TUBGCP2: variants seen among roughly 807,000 people sequenced by gnomAD.
TUBGCP2 encodes gamma-tubulin complex component 2.
Under a neutral mutation model 92.2 loss-of-function variants are expected in TUBGCP2, and 55 were observed. The ratio of observed to expected loss-of-function variants is 0.60; its 90% confidence interval spans 0.48 to 0.75. The LOEUF (loss-of-function observed/expected upper bound fraction) is 0.75. TUBGCP2 is among the 30% of genes least tolerant of loss of function. The pLI is 0.00. For synonymous variants in TUBGCP2, 533 were observed against 505.2 expected, an observed-to-expected ratio of 1.06 and a Z score of -0.74; for missense variants, 1,093 against 1,188.9, an observed-to-expected ratio of 0.92 and a Z score of 1.19.
rs1847530961 is a variant in TUBGCP2, at chr10:133,298,031, T to C, written c.537A>G (p.Ala179=). The C allele has an allele frequency of 6.2e-7, 1 of 1,614,132 alleles. No homozygotes were observed. The highest frequency in any genetic ancestry group is 8.5e-7 in the Non-Finnish European group (1 of 1,180,024). ...TCAGGGCAGGTCTCTCATACACCCA[T>C]GCTGGGAAGATGGGGAGGTGCTGGC... ...NSGQHLPIFP[A]WVYERPALIG... The change falls in exon 5 of 18, where the codon GCA becomes GCG. Residue 179 remains alanine (A), a synonymous_variant. Coordinates refer to ENST00000252936, the MANE Select transcript of TUBGCP2 (RefSeq NM_006659.4).
chr10:133,283,170 A>T lies in TUBGCP2; in HGVS notation c.2197T>A (p.Cys733Ser). Reference protein sequence around the residue: ...LGHHTGFLDTCLKDCMLTNPE... With the variant: ...LGHHTGFLDTSLKDCMLTNPE... ...TTGGTGAGCATGCAGTCCTTCAGGC[A>T]GGTGTCCAGGAAGCCTGTGTGGTGG... Residue 733 changes from cysteine to serine, a missense_variant, in exon 15 of 18, where the codon TGC becomes AGC. Cys to Ser is a moderately radical substitution (Grantham distance 112). Transcript: ENST00000252936. 6.2e-7 allele frequency: 1 copy of T among 1,614,238 alleles called. No individual in the cohort carries two copies. The highest frequency in any genetic ancestry group is 8.5e-7 in the Non-Finnish European group (1 of 1,180,046).
upstream of TUBGCP2, among the ~76,000 whole-genome samples, chr10:133,311,133 C>T (rs1453712364): frequency 6.6e-6 from 1 of 152,112 alleles, no homozygotes. Flanking sequence ...TATATTTCTT[C>T]TTTTTTTAAC....
At position 133,285,229 on chromosome 10, in the gene TUBGCP2, C is replaced by A. The variant is rs533274197; in HGVS notation, c.1896-16G>T. 8.7e-6 allele frequency: 14 copies of A among 1,610,556 alleles called. No homozygotes were observed. The African/African-American group carries it at 9.3e-5, about 11-fold the overall frequency. On this transcript the variant is annotated splice_polypyrimidine_tract_variant and intron_variant, in intron 12 of 17. Coordinates refer to ENST00000252936, the MANE Select transcript of TUBGCP2 (RefSeq NM_006659.4). This position sits in a 1 kb window ranked among gnomAD's most constrained non-coding sequence, Gnocchi z 6.8. ...GAGGGCTTTCCTGCAAGAGACGTGG[C>A]GGCACCTCAGGTGGGCCTCCGTGAC... is the stretch of plus-strand genomic sequence containing the variant.
chr10:133,309,293 AGC>A, upstream of TUBGCP2: 1 of 1,458,798 alleles, frequency 6.9e-7, no homozygotes, highest in Non-Finnish European at 9.3e-7. Flanking sequence ...GCGGGACCGG[AGC>A]GCGGGATGAC....
chr10:133,282,383 C>T, intron 15 of TUBGCP2, 41 bp from the exon 16 acceptor site: 1 of 1,555,870 alleles, frequency 6.4e-7, no homozygotes, highest in South Asian at 1.2e-5. Context: ...CTGTTAGTTA[C>T]AACCACAATG....
chr10:133,309,538 G>C (rs1564777994), upstream of TUBGCP2: 5 of 1,513,744 alleles, frequency 3.3e-6, no homozygotes, highest in Admixed American at 3.7e-5. Flanking sequence ...CCCTGGGGCT[G>C]TGCTGCCGCT....
chr10:133,292,710 C>T (rs1847387638), intron 7 of TUBGCP2, 22 bp from the exon 8 acceptor site: 1 of 1,606,418 alleles, frequency 6.2e-7, no homozygotes, highest in Non-Finnish European at 8.5e-7. Context: ...AAGGAGGGCT[C>T]ACTGCTGAGA....
chr10:133,288,395 C>T (rs1233328450), intron 10 of TUBGCP2, 86 bp from the exon 11 acceptor site: 1 of 1,493,720 alleles, frequency 6.7e-7, no homozygotes, highest in Non-Finnish European at 9.0e-7. Context: ...TGCCCACCCG[C>T]AGGTGCCCGC....
upstream of TUBGCP2, chr10:133,310,377 T>C (rs371686021): frequency 1.5e-4 from 235 of 1,540,626 alleles, 2 homozygotes; most frequent in East Asian, 4.2e-3. Flanking sequence ...GTCAGACTTA[T>C]TAAGCACTTG....
At chr10:133,290,513 A>G (rs2995330) in intron 8 of TUBGCP2, 22,400 of 152,300 alleles carry the variant, frequency 0.15, 3,136 homozygotes, top group African/African-American at 0.37. Context: ...GAAAAAAAAA[A>G]AAAAGAAAAC....
chr10:133,305,908 C>T (rs1847805817), intron 1 of TUBGCP2, among the ~76,000 whole-genome samples: 1 of 152,240 alleles, frequency 6.6e-6, no homozygotes, highest in South Asian at 2.1e-4. Context: ...GACGTGGCTA[C>T]TTCTAGGCTG....
At chr10:133,286,560 C>A (rs560683932) in intron 11 of TUBGCP2, among the ~76,000 whole-genome samples, 1 of 152,108 alleles carries the variant, frequency 6.6e-6, no homozygotes, top group African/African-American at 2.4e-5. Flanking sequence ...CCAACAGCAC[C>A]GAGGGCGCGT....
At chr10:133,306,117 A>T (rs1847812649) in intron 1 of TUBGCP2, among the ~76,000 whole-genome samples, 1 of 152,246 alleles carries the variant, frequency 6.6e-6, no homozygotes, top group Admixed American at 6.5e-5. Flanking sequence ...TGGAGGTGTT[A>T]ACTCTGTTAT....
At chr10:133,284,315 A>G (rs182858244) in intron 13 of TUBGCP2, among the ~76,000 whole-genome samples, 33 of 152,316 alleles carry the variant, frequency 2.2e-4, no homozygotes, top group Non-Finnish European at 4.4e-5. Context: ...AGTGCCACAC[A>G]ACAGATGCAT....
In TUBGCP2 at chr10:133,288,887, C is replaced by A. The variant is rs1589825546; in HGVS notation, c.1494G>T (p.Val498=). Reference sequence around the variant, plus strand: ...TCTCCTCCATCAGGAAGTCCAGCAGCACCTTGCTGGCGTAGTTAAACGCCT... The same window carrying A: ...TCTCCTCCATCAGGAAGTCCAGCAGAACCTTGCTGGCGTAGTTAAACGCCT... ...IEKAFNYASK[V]LLDFLMEEKE... The change falls in exon 10 of 18, where the codon GTG becomes GTT. Residue 498 remains valine (V), a synonymous_variant. Coordinates refer to ENST00000252936, the MANE Select transcript of TUBGCP2 (RefSeq NM_006659.4). The A allele has an allele frequency of 3.1e-6, 5 of 1,614,030 alleles. No homozygotes were observed. The highest frequency in any genetic ancestry group is 4.2e-6 in the Non-Finnish European group (5 of 1,179,930).
At chr10:133,303,244 C>T (rs1589836926) in intron 1 of TUBGCP2, among the ~76,000 whole-genome samples, 1 of 126,304 alleles carries the variant, frequency 7.9e-6, no homozygotes, top group African/African-American at 3.3e-5. Context: ...CCTCCCTGAA[C>T]TCCAGCAGCC....
chr10:133,302,948 A>G lies in TUBGCP2; in HGVS notation c.-7T>C. The G allele has an allele frequency of 6.2e-7, 1 of 1,614,016 alleles. No homozygotes were observed. The highest frequency in any genetic ancestry group is 8.5e-7 in the Non-Finnish European group (1 of 1,179,974). Reference sequence around the variant, plus strand: ...GAATCCGAAATTCACTCATAGTTTTAGCTCTGAGGCACGAACATCACAATA... The same window carrying G: ...GAATCCGAAATTCACTCATAGTTTTGGCTCTGAGGCACGAACATCACAATA... On this transcript the variant is annotated 5_prime_UTR_variant, in exon 2 of 18. It removes the in-frame stop codon of an upstream open reading frame in the 5' UTR. Transcript: ENST00000252936.
rs774270438 is a variant in TUBGCP2 at position 133,285,528 on chromosome 10, A to G, written c.1823T>C (p.Leu608Pro). Reference sequence around the variant, plus strand: ...GAAGGCCTCCAGGCCGCTCAGCGCCAGCTCCGTGGGGTCGGCGTGCGCCAT... The same window carrying G: ...GAAGGCCTCCAGGCCGCTCAGCGCCGGCTCCGTGGGGTCGGCGTGCGCCAT... ...KAMAHADPTE[L>P]ALSGLEAFSF... Residue 608 changes from leucine (L) to proline (P), a missense_variant, in exon 12 of 18, where the codon CTG becomes CCG. Around this residue, in one of 3 missense-constraint regions of TUBGCP2, gnomAD observed 598 missense variants for 675.5 expected, o/e 0.89. Coordinates refer to ENST00000252936, the MANE Select transcript of TUBGCP2 (RefSeq NM_006659.4). This position sits in a 1 kb window ranked among gnomAD's most constrained non-coding sequence, Gnocchi z 6.8. The G allele has an allele frequency of 3.7e-5, 59 of 1,602,140 alleles. No individual in the cohort carries two copies. In the Middle Eastern group the frequency reaches 6.6e-4, roughly 18 times the overall value.
At chr10:133,295,537 C>G (rs11101680) in intron 5 of TUBGCP2, 1 of 152,314 alleles carries the variant, frequency 6.6e-6, no homozygotes, top group African/African-American at 2.4e-5. Flanking sequence ...CAAATCACCA[C>G]GTCCGAACGA....
Sources: allele counts gnomAD v4.1 joint callset (sites outside exome capture counted in the v4.1 genomes callset), GRCh38; gene constraint gnomAD v4.1.1; regional missense constraint gnomAD v4.1.1; non-coding constraint Gnocchi (gnomAD v3.1); transcripts MANE v1.5; gene names NCBI Gene and HGNC (gene_info 2026-07-23, HGNC 2026-07-21).